The following EPB41L4A variants were observed in gnomAD, a reference collection of about 807,000 sequenced individuals.
The protein encoded by EPB41L4A is band 4.1-like protein 4A.
In EPB41L4A, 100 loss-of-function variants were observed where a neutral mutation model predicts 108.6. The observed-to-expected ratio is 0.92, with a 90% CI of 0.78 to 1.09. EPB41L4A has a LOEUF of 1.09. Among genes scored for constraint, EPB41L4A ranks in the 50% least tolerant of loss-of-function variants. The pLI is 0.00. For synonymous variants in EPB41L4A, 319 were observed against 289.0 expected, an observed-to-expected ratio of 1.10 and a Z score of -1.05; for missense variants, 1,030 against 842.7, an observed-to-expected ratio of 1.22 and a Z score of -2.75.
At chr5:112,314,952 A>T (rs1755338182) in intron 1 of EPB41L4A, among the ~76,000 whole-genome samples, 1 of 152,180 alleles carries the variant, frequency 6.6e-6, no homozygotes, top group African/African-American at 2.4e-5. Context: ...TCAATAAATA[A>T]ATTAAAATTT....
chr5:112,200,861 C>T (rs547051682), intron 15 of EPB41L4A, among the ~76,000 whole-genome samples: 5 of 152,258 alleles, frequency 3.3e-5, no homozygotes, highest in Admixed American at 2.0e-4. Flanking sequence ...ATTCTGGACT[C>T]GGCCAGAATT....
At chr5:112,291,423 G>A (rs1267279724) in intron 2 of EPB41L4A, among the ~76,000 whole-genome samples, 1 of 152,150 alleles carries the variant, frequency 6.6e-6, no homozygotes, top group Non-Finnish European at 1.5e-5. Flanking sequence ...TGGTGTTTAT[G>A]ATATATATTG....
chr5:112,405,170 G>C (rs1762008151), intron 1 of EPB41L4A, among the ~76,000 whole-genome samples: 1 of 152,172 alleles, frequency 6.6e-6, no homozygotes, highest in Non-Finnish European at 1.5e-5. Flanking sequence ...CACTTTCCAT[G>C]GAGGGAGGTC....
intron 1 of EPB41L4A, among the ~76,000 whole-genome samples, chr5:112,406,819 G>T (rs1762100240): frequency 2.0e-5 from 3 of 152,122 alleles, no homozygotes; most frequent in African/African-American, 4.8e-5. Flanking sequence ...CCAGAGAGAA[G>T]AGTCTAGGCC....
chr5:112,303,793 G>T (rs188200966), intron 2 of EPB41L4A, among the ~76,000 whole-genome samples: 35 of 152,206 alleles, frequency 2.3e-4, no homozygotes, highest in East Asian at 1.4e-3. Context: ...TTTCAGAAGT[G>T]AATGTAAGAA....
At chr5:112,295,667 C>T (rs1235036668) in intron 2 of EPB41L4A, among the ~76,000 whole-genome samples, 1 of 152,126 alleles carries the variant, frequency 6.6e-6, no homozygotes, top group African/African-American at 2.4e-5. Flanking sequence ...AATAAAGACA[C>T]TATAAATCAG....
At chr5:112,370,745 T>G (rs1334788670) in intron 1 of EPB41L4A, among the ~76,000 whole-genome samples, 1 of 152,084 alleles carries the variant, frequency 6.6e-6, no homozygotes, top group Non-Finnish European at 1.5e-5. Flanking sequence ...CAAAACCCTG[T>G]CTCTACTAAA....
chr5:112,389,565 A>AT (rs1339064203), intron 1 of EPB41L4A, among the ~76,000 whole-genome samples: 2 of 152,176 alleles, frequency 1.3e-5, no homozygotes, highest in African/African-American at 4.8e-5. Flanking sequence ...TTAACCAGTT[A>AT]TTTTTTCTAT....
In EPB41L4A at chr5:112,313,256, T is replaced by C. The variant is rs542499616; in HGVS notation, c.100-5766A>G. Reference sequence around the variant, plus strand: ...ACTTCTAAAAAGTGACTAAAAACTTTATTGAGAAAGTGAGACAGGGAGAGA... The same window carrying C: ...ACTTCTAAAAAGTGACTAAAAACTTCATTGAGAAAGTGAGACAGGGAGAGA... On this transcript the variant is annotated intron_variant, in intron 1 of 22. Coordinates refer to ENST00000261486, the MANE Select transcript of EPB41L4A (RefSeq NM_022140.5). 4.6e-5 allele frequency among the ~76,000 whole-genome samples: 7 copies of C among 152,296 alleles called. No individual in the cohort carries two copies. The East Asian group carries it at 1.4e-3, about 29-fold the overall frequency.
chr5:112,248,621 C>G (rs1017347160), intron 9 of EPB41L4A, among the ~76,000 whole-genome samples: 5 of 152,156 alleles, frequency 3.3e-5, no homozygotes, highest in African/African-American at 1.2e-4. Flanking sequence ...TGTAAGAATT[C>G]AGGACCTGTA....
chr5:112,184,132 T>C lies in EPB41L4A; in HGVS notation c.1506A>G (p.Ile502Met), dbSNP rs564382663. 2 of 1,613,906 alleles carry C rather than the reference T, an allele frequency of 1.2e-6. No homozygotes were observed. The highest frequency in any genetic ancestry group is 8.5e-7 in the Non-Finnish European group (1 of 1,179,858). Residue 502 changes from isoleucine to methionine, a missense_variant, in exon 18 of 23, where the codon ATA becomes ATG. By Grantham distance (10) the Ile-to-Met change is conservative. Coordinates refer to ENST00000261486, the MANE Select transcript of EPB41L4A (RefSeq NM_022140.5). ...NREYRKKRNR[I>M]RQENDMVDSA... is the part of the protein sequence containing the mutation. ...AATCAACCATATCATTCTCCTGCCG[T>C]ATTCTGAAAGGAAAGCCATGCATCT...
intron 2 of EPB41L4A, among the ~76,000 whole-genome samples, chr5:112,286,259 A>G (rs1221708095): frequency 2.0e-5 from 3 of 150,950 alleles, no homozygotes; most frequent in African/African-American, 7.3e-5. Flanking sequence ...TATCTACAGG[A>G]AAAAAAAACA....
chr5:112,146,071 C>A, intron 12 of EPB41L4A: 1 of 439,344 alleles, frequency 2.3e-6, no homozygotes, highest in Non-Finnish European at 4.6e-6. Context: ...GTGCTACTGC[C>A]TCTAGGGACT....
rs549099832 is a variant in EPB41L4A, at chr5:112,353,398, G to T, written c.100-45908C>A. On this transcript the variant is annotated intron_variant, in intron 1 of 22. Transcript: ENST00000261486. ...GCAGGCCCTCAGGGCACTGGGCAGCGTGCATGACATGGACAATGGAAGCAG... is the reference window on the plus strand; with the variant it reads ...GCAGGCCCTCAGGGCACTGGGCAGCTTGCATGACATGGACAATGGAAGCAG... 3.5e-4 allele frequency among the ~76,000 whole-genome samples: 54 copies of T among 152,286 alleles called. No individual in the cohort carries two copies. In the South Asian group the frequency reaches 0.011, roughly 31 times the overall value.
intron 2 of EPB41L4A, among the ~76,000 whole-genome samples, chr5:112,294,574 T>C (rs1753869997): frequency 6.6e-6 from 1 of 151,552 alleles, no homozygotes; most frequent in African/African-American, 2.4e-5. Flanking sequence ...GCAGGAGACA[T>C]CAGAAACACC....
At chr5:112,255,380 C>T (rs964378384) in intron 9 of EPB41L4A, among the ~76,000 whole-genome samples, 4 of 152,102 alleles carry the variant, frequency 2.6e-5, no homozygotes, top group Non-Finnish European at 5.9e-5. Context: ...CTTTTTCTGA[C>T]TTTTACGTAA....
At chr5:112,240,953 T>C in intron 9 of EPB41L4A, 143 bp from the exon 10 acceptor site, 3 of 540,914 alleles carry the variant, frequency 5.5e-6, no homozygotes, top group Non-Finnish European at 9.7e-6. Context: ...TCTTGGTAAC[T>C]ATTTTTGGAG....
intron 18 of EPB41L4A, chr5:112,175,295 C>G (rs1760805311): frequency 6.6e-6 from 1 of 152,204 alleles, no homozygotes; most frequent in African/African-American, 2.4e-5. Context: ...TGTAGAAAAG[C>G]AGGTTCAACA....
chr5:112,279,884 C>T (rs1342781117), intron 3 of EPB41L4A, among the ~76,000 whole-genome samples: 1 of 152,104 alleles, frequency 6.6e-6, no homozygotes, highest in African/African-American at 2.4e-5. Context: ...CATGCCATAA[C>T]CCAAGAAACT....
Sources: allele counts gnomAD v4.1 joint callset (sites outside exome capture counted in the v4.1 genomes callset), GRCh38; gene constraint gnomAD v4.1.1; transcripts MANE v1.5; gene names NCBI Gene and HGNC (gene_info 2026-07-23, HGNC 2026-07-21).